WDPCP: variants seen among roughly 807,000 people sequenced by gnomAD.
WDPCP encodes WD repeat-containing and planar cell polarity effector protein fritz homolog.
WDPCP carries 71 observed loss-of-function variants against 93.1 expected under a neutral mutation model. The observed-to-expected ratio is 0.76, with a 90% CI of 0.63 to 0.93. WDPCP has a LOEUF of 0.93. Among genes scored for constraint, WDPCP ranks in the 40% least tolerant of loss-of-function variants. The pLI, the probability that WDPCP is intolerant of heterozygous loss-of-function variation, is 0.00. For synonymous variants in WDPCP, 315 were observed against 315.0 expected, an observed-to-expected ratio of 1.00 and a Z score of 0.00; for missense variants, 844 against 887.4, an observed-to-expected ratio of 0.95 and a Z score of 0.62.
chr2:63,765,340 C>G (rs1017777069), intron 2 of WDPCP, among the ~76,000 whole-genome samples: 2 of 152,098 alleles, frequency 1.3e-5, no homozygotes, highest in African/African-American at 4.8e-5. Context: ...GTGGGAGGAG[C>G]TGGAGTTTGA....
intron 9 of WDPCP, among the ~76,000 whole-genome samples, chr2:63,425,066 A>G (rs1696167467): frequency 6.6e-6 from 1 of 152,214 alleles, no homozygotes; most frequent in Non-Finnish European, 1.5e-5. Context: ...CTCTTCCAGT[A>G]TACATAGCTT....
At chr2:63,158,848 T>G (rs917711072) in intron 15 of WDPCP, among the ~76,000 whole-genome samples, 1 of 151,822 alleles carries the variant, frequency 6.6e-6, no homozygotes, top group Non-Finnish European at 1.5e-5. Flanking sequence ...TTAAAAAATT[T>G]TGTGGGGGCC....
At chr2:63,572,843 T>C (rs1468610991) in intron 1 of WDPCP, among the ~76,000 whole-genome samples, 1 of 152,024 alleles carries the variant, frequency 6.6e-6, no homozygotes, top group Non-Finnish European at 1.5e-5. Flanking sequence ...CTTCTAATTA[T>C]TTTGGAGTGA....
intron 15 of WDPCP, among the ~76,000 whole-genome samples, chr2:63,162,816 A>G (rs1279860299): frequency 1.3e-5 from 2 of 152,144 alleles, no homozygotes; most frequent in Non-Finnish European, 2.9e-5. Flanking sequence ...AAGTCCACTA[A>G]TAAAGGTTAA....
intron 13 of WDPCP, among the ~76,000 whole-genome samples, chr2:63,282,462 G>A (rs1227710589): frequency 9.9e-5 from 15 of 152,230 alleles, no homozygotes; most frequent in Admixed American, 3.9e-4. Flanking sequence ...CCGAGATCGC[G>A]CCACTGCACT....
chr2:63,353,125 G>A (rs114542582), intron 12 of WDPCP, among the ~76,000 whole-genome samples: 1 of 152,166 alleles, frequency 6.6e-6, no homozygotes, highest in East Asian at 1.9e-4. Flanking sequence ...AGGGAACCAC[G>A]ATTCTCCTAC....
intron 14 of WDPCP, among the ~76,000 whole-genome samples, chr2:63,255,773 A>G (rs1681080686): frequency 6.6e-6 from 1 of 152,130 alleles, no homozygotes; most frequent in African/African-American, 2.4e-5. Flanking sequence ...ACATTTCCAG[A>G]CGACATGATG....
At chr2:63,144,841 A>G (rs146002487) in intron 17 of WDPCP, among the ~76,000 whole-genome samples, 1,833 of 152,162 alleles carry the variant, frequency 0.012, 38 homozygotes, top group African/African-American at 0.043. Context: ...TTGTTTTGTC[A>G]TATTACCAGG....
chr2:63,237,285 TCTCACACCAACCAGAATGG>T (rs1679483192), intron 14 of WDPCP, among the ~76,000 whole-genome samples: 4 of 151,958 alleles, frequency 2.6e-5, no homozygotes, highest in Non-Finnish European at 5.9e-5. Context: ...TGAGATACCA[TCTCACACCAACCAGAATGG>T]CTTTTGTTAA....
intron 1 of WDPCP, among the ~76,000 whole-genome samples, chr2:63,495,306 A>C (rs1701157628): frequency 6.6e-6 from 1 of 152,178 alleles, no homozygotes; most frequent in South Asian, 2.1e-4. Flanking sequence ...CAGTATTATC[A>C]CTTTGGAAGT....
At chr2:63,321,357 C>T (rs1029496210) in intron 12 of WDPCP, among the ~76,000 whole-genome samples, 3 of 148,758 alleles carry the variant, frequency 2.0e-5, no homozygotes, top group African/African-American at 7.4e-5. Flanking sequence ...TTGATATGTA[C>T]TTTGTGTGTA....
chr2:63,536,983 G>T (rs925281574), intron 1 of WDPCP, among the ~76,000 whole-genome samples: 4 of 151,868 alleles, frequency 2.6e-5, no homozygotes, highest in Non-Finnish European at 4.4e-5. Flanking sequence ...GGCCTGGCTG[G>T]CCTCAAACTC....
chr2:63,772,460 T>G (rs1479147409), intron 2 of WDPCP, among the ~76,000 whole-genome samples: 1 of 152,076 alleles, frequency 6.6e-6, no homozygotes, highest in African/African-American at 2.4e-5. Context: ...CCACATAACC[T>G]GGTACCAAAA....
intron 1 of WDPCP, among the ~76,000 whole-genome samples, chr2:63,562,498 T>C (rs1706702757): frequency 6.6e-6 from 1 of 152,146 alleles, no homozygotes; most frequent in Non-Finnish European, 1.5e-5. Context: ...ATCCTGCATA[T>C]GTATCCTGGA....
intron 2 of WDPCP, among the ~76,000 whole-genome samples, chr2:63,665,332 C>T (rs1444868858): frequency 6.6e-6 from 1 of 152,162 alleles, no homozygotes; most frequent in African/African-American, 2.4e-5. Context: ...TCTGATGTTC[C>T]TTGGCCTGTA....
intron 7 of WDPCP, among the ~76,000 whole-genome samples, chr2:63,438,217 A>T (rs1465709921): frequency 3.9e-5 from 6 of 152,046 alleles, no homozygotes; most frequent in Non-Finnish European, 8.8e-5. Flanking sequence ...ATTGATAAAA[A>T]CATGTTACAG....
chr2:63,323,252 C>T (rs1434827855), intron 12 of WDPCP, among the ~76,000 whole-genome samples: 4 of 152,220 alleles, frequency 2.6e-5, no homozygotes, highest in African/African-American at 4.8e-5. Context: ...TGCCTCTCTT[C>T]TCCAGGCTAG....
intron 1 of WDPCP, among the ~76,000 whole-genome samples, chr2:63,529,573 T>A (rs1029715304): frequency 6.6e-6 from 1 of 152,216 alleles, no homozygotes; most frequent in Non-Finnish European, 1.5e-5. Context: ...ACCGACTTCA[T>A]CATGGTGGAC....
chr2:63,136,175 T>A (rs1179385871), intron 17 of WDPCP, among the ~76,000 whole-genome samples: 1 of 152,186 alleles, frequency 6.6e-6, no homozygotes, highest in African/African-American at 2.4e-5. Context: ...ACTCTCTCTC[T>A]CTCTATATAT....
Sources: allele counts gnomAD v4.1 joint callset (sites outside exome capture counted in the v4.1 genomes callset), GRCh38; gene constraint gnomAD v4.1.1; transcripts MANE v1.5; gene names NCBI Gene and HGNC (gene_info 2026-07-23, HGNC 2026-07-21).